Variants in SMIM14 observed in about 807,000 individuals in gnomAD.
SMIM14 encodes the protein chromosome 4 open reading frame 34.
In SMIM14, 5 loss-of-function variants were observed where a neutral mutation model predicts 12.6. The ratio of observed to expected loss-of-function variants is 0.40; its 90% CI spans 0.21 to 0.83. SMIM14 has a LOEUF of 0.83. Among genes scored for constraint, SMIM14 ranks in the 40% least tolerant of loss-of-function variants. SMIM14 has a pLI of 0.37. For missense variants in SMIM14, 86 were observed against 119.1 expected, an observed-to-expected ratio of 0.72 and a Z score of 1.29; for synonymous variants, 30 against 40.1, an observed-to-expected ratio of 0.75 and a Z score of 0.95.
intron 1 of SMIM14, among the ~76,000 whole-genome samples, chr4:39,615,440 G>A (rs1022982058): frequency 1.3e-5 from 2 of 152,186 alleles, no homozygotes; most frequent in Non-Finnish European, 2.9e-5. Context: ...TACTACTACA[G>A]TGGTAGATAC....
intron 1 of SMIM14, chr4:39,638,380 G>A (rs1164574153): frequency 4.1e-5 from 34 of 820,680 alleles, no homozygotes; most frequent in East Asian, 1.2e-4. Context: ...GGATTTGTGA[G>A]TTTTTCCTTC....
chr4:39,618,828 A>C (rs375591341), intron 1 of SMIM14, among the ~76,000 whole-genome samples: 1 of 151,966 alleles, frequency 6.6e-6, no homozygotes, highest in African/African-American at 2.4e-5. Flanking sequence ...ACTTTTTTCA[A>C]CCTGCATGTT....
chr4:39,606,002 T>C (rs1035430145), intron 1 of SMIM14, among the ~76,000 whole-genome samples: 1 of 152,096 alleles, frequency 6.6e-6, no homozygotes, highest in Admixed American at 6.5e-5. Flanking sequence ...CCTCCCAAAG[T>C]GCTAGGATTA....
chr4:39,612,539 C>A (rs1049951447), intron 1 of SMIM14, among the ~76,000 whole-genome samples: 1 of 152,110 alleles, frequency 6.6e-6, no homozygotes, highest in African/African-American at 2.4e-5. Context: ...TTACTCCTGA[C>A]GTGTATCCCC....
At chr4:39,581,241 T>C (rs950557004) in intron 2 of SMIM14, among the ~76,000 whole-genome samples, 1 of 152,188 alleles carries the variant, frequency 6.6e-6, no homozygotes, top group Non-Finnish European at 1.5e-5. Context: ...AAATATTTTA[T>C]GCCTAAACAT....
chr4:39,610,632 C>T (rs1201328965), intron 1 of SMIM14, among the ~76,000 whole-genome samples: 1 of 150,164 alleles, frequency 6.7e-6, no homozygotes, highest in Non-Finnish European at 1.5e-5. Flanking sequence ...GAGATTGAGA[C>T]CATAGTGAGC....
chr4:39,629,928 G>C (rs549869242), intron 1 of SMIM14, among the ~76,000 whole-genome samples: 54 of 152,086 alleles, frequency 3.6e-4, no homozygotes, highest in Non-Finnish European at 7.4e-4. Context: ...TACCTGGCCA[G>C]AAAGCAGTTT....
chr4:39,632,283 C>A (rs1185703876), intron 1 of SMIM14, among the ~76,000 whole-genome samples: 1 of 151,344 alleles, frequency 6.6e-6, no homozygotes, highest in Non-Finnish European at 1.5e-5. Flanking sequence ...AGATCAAGAC[C>A]ATCCTGGTCA....
At chr4:39,618,816 A>G (rs958139399) in intron 1 of SMIM14, among the ~76,000 whole-genome samples, 4 of 152,094 alleles carry the variant, frequency 2.6e-5, no homozygotes, top group African/African-American at 9.7e-5. Context: ...AAAGGACTGC[A>G]CACTTTTTTC....
In SMIM14 at chr4:39,576,658, GTGTATATA is replaced by G. The variant is rs1488303198; in HGVS notation, c.76-4203_76-4196del. On this transcript the variant is annotated intron_variant, in intron 2 of 4. Transcript: ENST00000295958. ...AACTTATACCTATGTGTGTGTGTAT[GTGTATATA>G]TATATATATATATATATATTTTTTT... Among the ~76,000 whole-genome samples the G allele has an allele frequency of 4.5e-3, 180 of 40,414 alleles. 26 individuals are homozygous for G. The highest frequency in any genetic ancestry group is 0.014 in the African/African-American group (168 of 12,304). The allele number at this position is 40,414 out of a possible 152,430, so 26.5% of individuals were successfully genotyped here.
intron 2 of SMIM14, among the ~76,000 whole-genome samples, chr4:39,574,522 C>T (rs934125575): frequency 9.2e-5 from 14 of 152,250 alleles, no homozygotes; most frequent in South Asian, 4.1e-4. Context: ...GGATTACAGG[C>T]GTGAGCCACA....
intron 2 of SMIM14, among the ~76,000 whole-genome samples, chr4:39,581,242 G>A (rs1179566349): frequency 6.6e-6 from 1 of 151,896 alleles, no homozygotes; most frequent in Admixed American, 6.6e-5. Flanking sequence ...AATATTTTAT[G>A]CCTAAACATT....
chr4:39,579,526 T>C (rs1427423704), intron 2 of SMIM14, among the ~76,000 whole-genome samples: 3 of 151,476 alleles, frequency 2.0e-5, no homozygotes, highest in African/African-American at 7.3e-5. Flanking sequence ...AATAGTCCAA[T>C]AGGATATCTA....
At position 39,551,294 on chromosome 4, in the gene SMIM14, AAATT is replaced by A. The variant is rs1711691200; in HGVS notation, c.*828_*831del. 6.6e-6 allele frequency: 1 copy of A among 152,626 alleles called. No individual in the cohort carries two copies. Among genetic ancestry groups the A allele is most frequent in the African/African-American group, 2.4e-5 (1 of 41,458 alleles). The allele number at this position is 152,626 out of a possible 1,614,324, so 9.5% of individuals were successfully genotyped here. A position where few individuals can be genotyped will look rare whatever the true frequency, so the allele number is the denominator to read the frequency against. The stretch of plus-strand genomic sequence containing the variant: ...TCATTTTAAAAATAAATTATAGCTT[AAATT>A]ATTACTATGTGGATTATATCAGCAA... On this transcript the variant is annotated 3_prime_UTR_variant, in exon 5 of 5. Transcript: ENST00000295958.
intron 2 of SMIM14, among the ~76,000 whole-genome samples, chr4:39,597,328 AGG>A (rs1714411747): frequency 1.3e-5 from 2 of 152,092 alleles, no homozygotes; most frequent in Non-Finnish European, 2.9e-5. Flanking sequence ...TGACTTTTCA[AGG>A]AATTAAACTG....
At chr4:39,560,551 A>C (rs1712252463) in intron 3 of SMIM14, among the ~76,000 whole-genome samples, 2 of 150,900 alleles carry the variant, frequency 1.3e-5, no homozygotes, top group South Asian at 4.2e-4. Flanking sequence ...TCCAGGAAGC[A>C]CGAGGTCAAG....
intron 4 of SMIM14, among the ~76,000 whole-genome samples, chr4:39,555,422 A>G (rs1711960418): frequency 6.6e-6 from 1 of 151,962 alleles, no homozygotes; most frequent in African/African-American, 2.4e-5. Flanking sequence ...TAGTAGAGAC[A>G]GGGTTTCACC....
At chr4:39,633,777 T>C (rs1715992601) in intron 1 of SMIM14, among the ~76,000 whole-genome samples, 1 of 152,178 alleles carries the variant, frequency 6.6e-6, no homozygotes, top group African/African-American at 2.4e-5. Flanking sequence ...ACTCTGATGA[T>C]TGTATCAACG....
At chr4:39,581,715 C>T (rs1410843380) in intron 2 of SMIM14, among the ~76,000 whole-genome samples, 2 of 151,082 alleles carry the variant, frequency 1.3e-5, no homozygotes, top group African/African-American at 4.9e-5. Context: ...GGCGCACAAC[C>T]ACCACACCTG....
Sources: allele counts gnomAD v4.1 joint callset (sites outside exome capture counted in the v4.1 genomes callset), GRCh38; gene constraint gnomAD v4.1.1; transcripts MANE v1.5; gene names NCBI Gene and HGNC (gene_info 2026-07-23, HGNC 2026-07-21).